Variants in PTPN4 observed in about 807,000 individuals in gnomAD.
PTPN4 encodes protein tyrosine phosphatase non-receptor type 4, also known as tyrosine-protein phosphatase non-receptor type 4.
PTPN4 carries 49 observed loss-of-function variants against 135.5 expected under a neutral mutation model. The observed-to-expected ratio is 0.36, with a 90% CI of 0.29 to 0.46. The LOEUF (loss-of-function observed/expected upper bound fraction) is 0.46, where lower values mean the gene tolerates loss of function less well. Ranked by LOEUF, PTPN4 falls within the 20% of genes least tolerant of loss-of-function variation. PTPN4 has a pLI of 1.00. For missense variants in PTPN4, 860 were observed against 1,101.0 expected (o/e 0.78, Z 3.10); for synonymous variants, 333 against 369.9 (o/e 0.90, Z 1.14).
chr2:119,905,035 C>CAAA (rs35974878), intron 10 of PTPN4, among the ~76,000 whole-genome samples: 7 of 96,534 alleles, frequency 7.3e-5, no homozygotes, highest in South Asian at 6.2e-4. Context: ...GTTATTACTA[C>CAAA]AAAAAAAAAA....
chr2:119,914,243 A>G (rs999368209), intron 10 of PTPN4, among the ~76,000 whole-genome samples: 2 of 112,978 alleles, frequency 1.8e-5, no homozygotes, highest in African/African-American at 1.1e-4. Context: ...GTCAATAGTT[A>G]CTCAATTTTT....
At chr2:119,880,030 T>A (rs1221974624) in intron 5 of PTPN4, 1 of 90,368 alleles carries the variant, frequency 1.1e-5, no homozygotes, top group African/African-American at 4.4e-5. Flanking sequence ...TATGGGGGGG[T>A]GGGGGGCGGG....
intron 10 of PTPN4, among the ~76,000 whole-genome samples, chr2:119,913,036 C>A (rs1477209309): frequency 4.6e-5 from 7 of 151,968 alleles, no homozygotes; most frequent in Admixed American, 4.6e-4. Context: ...TGAGGTTCAT[C>A]CGCATTGTAG....
chr2:119,910,724 A>T (rs1034922748), intron 10 of PTPN4, among the ~76,000 whole-genome samples: 3 of 152,020 alleles, frequency 2.0e-5, no homozygotes, highest in Non-Finnish European at 4.4e-5. Context: ...CCCTGCTTGC[A>T]CTTCTCCTTC....
At chr2:119,807,802 T>A (rs1474936156) in intron 1 of PTPN4, among the ~76,000 whole-genome samples, 1 of 152,178 alleles carries the variant, frequency 6.6e-6, no homozygotes, top group Non-Finnish European at 1.5e-5. Context: ...ATATCCCTGA[T>A]GAACATCGAT....
intron 10 of PTPN4, among the ~76,000 whole-genome samples, chr2:119,913,567 A>C (rs1169365434): frequency 1.3e-5 from 2 of 152,168 alleles, no homozygotes; most frequent in Non-Finnish European, 2.9e-5. Flanking sequence ...AGGCAGGAGG[A>C]TCACTTGAGC....
At chr2:119,934,014 T>C (rs1357805164) in intron 14 of PTPN4, among the ~76,000 whole-genome samples, 1 of 152,182 alleles carries the variant, frequency 6.6e-6, no homozygotes, top group East Asian at 1.9e-4. Flanking sequence ...TAGAAAATAA[T>C]AGCAAGTTAA....
chr2:119,816,715 C>A (rs955829740), intron 2 of PTPN4, among the ~76,000 whole-genome samples: 5 of 152,188 alleles, frequency 3.3e-5, no homozygotes, highest in Non-Finnish European at 5.9e-5. Context: ...TATGTCCAGT[C>A]TACTCCATAA....
At chr2:119,838,618 G>A (rs369050096) in intron 2 of PTPN4, among the ~76,000 whole-genome samples, 6 of 152,096 alleles carry the variant, frequency 3.9e-5, no homozygotes, top group Admixed American at 6.6e-5. Flanking sequence ...AAGATCTGTC[G>A]GGACCAGTCT....
At chr2:119,816,211 T>C (rs1301538936) in intron 2 of PTPN4, among the ~76,000 whole-genome samples, 3 of 152,310 alleles carry the variant, frequency 2.0e-5, no homozygotes, top group Middle Eastern at 3.4e-3. Context: ...ATGGTATTTG[T>C]ATATCTAAAT....
chr2:119,934,389 A>G (rs866501153), intron 14 of PTPN4, among the ~76,000 whole-genome samples: 1 of 152,254 alleles, frequency 6.6e-6, no homozygotes, highest in Non-Finnish European at 1.5e-5. Context: ...AGTATTCAGT[A>G]TCTACTCTAA....
intron 2 of PTPN4, among the ~76,000 whole-genome samples, chr2:119,833,461 C>T (rs1173683845): frequency 6.6e-6 from 1 of 151,934 alleles, no homozygotes; most frequent in Non-Finnish European, 1.5e-5. Flanking sequence ...ATCTTTAATA[C>T]TTTTAATCAT....
chr2:119,934,687 C>A, intron 14 of PTPN4, 113 bp from the exon 15 acceptor site: 1 of 1,048,100 alleles, frequency 9.5e-7, no homozygotes, highest in Admixed American at 2.4e-5. Flanking sequence ...GCTTAGTCAA[C>A]ATGGCTTGAC....
intron 2 of PTPN4, among the ~76,000 whole-genome samples, chr2:119,833,742 A>G (rs1195756416): frequency 6.6e-6 from 1 of 152,182 alleles, no homozygotes; most frequent in African/African-American, 2.4e-5. Flanking sequence ...ATAATGTAAA[A>G]TCAAACTTCA....
chr2:119,796,920 A>G (rs1691274395), intron 1 of PTPN4, among the ~76,000 whole-genome samples: 3 of 151,664 alleles, frequency 2.0e-5, no homozygotes, highest in South Asian at 4.2e-4. Context: ...ATAGGTAGGT[A>G]GTGATATCGC....
chr2:119,897,998 T>C (rs1678349004), intron 9 of PTPN4, among the ~76,000 whole-genome samples: 1 of 152,224 alleles, frequency 6.6e-6, no homozygotes, highest in Non-Finnish European at 1.5e-5. Context: ...AGAAATTAAG[T>C]GTAAGATTTA....
At chr2:119,871,855 C>G (rs960757753) in intron 3 of PTPN4, among the ~76,000 whole-genome samples, 1 of 152,166 alleles carries the variant, frequency 6.6e-6, no homozygotes, top group Non-Finnish European at 1.5e-5. Flanking sequence ...AAATTGCTGA[C>G]ACCCTATGCC....
intron 1 of PTPN4, among the ~76,000 whole-genome samples, chr2:119,765,056 T>C (rs1335368134): frequency 6.6e-6 from 1 of 152,102 alleles, no homozygotes; most frequent in Non-Finnish European, 1.5e-5. Flanking sequence ...TCAAATCTGG[T>C]GTGGAATCTA....
At chr2:119,887,254 C>T (rs1040175716) in intron 9 of PTPN4, among the ~76,000 whole-genome samples, 2 of 152,030 alleles carry the variant, frequency 1.3e-5, no homozygotes, top group African/African-American at 2.4e-5. Context: ...CTTGGGATGG[C>T]GAGGCAGGAG....
Sources: allele counts gnomAD v4.1 joint callset (sites outside exome capture counted in the v4.1 genomes callset), GRCh38; gene constraint gnomAD v4.1.1; transcripts MANE v1.5; gene names NCBI Gene and HGNC (gene_info 2026-07-23, HGNC 2026-07-21).